Variants in CAST observed in about 807,000 individuals in gnomAD.
CAST encodes MIR583 host.
Under a neutral mutation model 119.6 loss-of-function variants are expected in CAST, and 76 were observed. The ratio of observed to expected loss-of-function variants is 0.64; its 90% confidence interval spans 0.53 to 0.77. The LOEUF (loss-of-function observed/expected upper bound fraction) is 0.77, where lower values mean the gene tolerates loss of function less well. Among genes scored for constraint, CAST ranks in the 30% least tolerant of loss-of-function variants. The pLI, the probability that CAST is intolerant of heterozygous loss-of-function variation, is 0.00. For missense variants in CAST, 953 were observed against 946.5 expected (o/e 1.01, Z -0.09); for synonymous variants, 319 against 331.6 (o/e 0.96, Z 0.41).
the CAST span, among the ~76,000 whole-genome samples, chr5:96,168,745 T>G: frequency 6.6e-6 from 1 of 152,050 alleles, no homozygotes; most frequent in Non-Finnish European, 1.5e-5. Context: ...AGGTGTGGTA[T>G]CCGGAATAAT....
the CAST span, among the ~76,000 whole-genome samples, chr5:96,037,075 T>C: frequency 6.6e-6 from 1 of 151,974 alleles, no homozygotes; most frequent in African/African-American, 2.4e-5. Context: ...TAATCTTATC[T>C]CTTCTGGAGC....
chr5:96,630,373 C>G (rs768319285), intron 1 of CAST, among the ~76,000 whole-genome samples: 101 of 152,256 alleles, frequency 6.6e-4, no homozygotes, highest in Non-Finnish European at 1.2e-3. Context: ...AAAGAGCATT[C>G]GAGGCAGAGA....
chr5:96,154,895 C>T, the CAST span, among the ~76,000 whole-genome samples: 79 of 152,292 alleles, frequency 5.2e-4, no homozygotes, highest in South Asian at 2.1e-3. Flanking sequence ...CAGGTTTCCC[C>T]ACTATGAATG....
At chr5:96,008,535 C>T in the CAST span, among the ~76,000 whole-genome samples, 1 of 152,070 alleles carries the variant, frequency 6.6e-6, no homozygotes, top group Non-Finnish European at 1.5e-5. Context: ...GGAGAAGGCA[C>T]CTTTTCCCTT....
At chr5:96,016,840 T>TTTG in the CAST span, among the ~76,000 whole-genome samples, 8 of 143,570 alleles carry the variant, frequency 5.6e-5, no homozygotes, top group African/African-American at 2.1e-4. Context: ...TTTTTTTTTT[T>TTTG]TTTTTTTTTT....
the CAST span, among the ~76,000 whole-genome samples, chr5:96,097,782 CA>C: frequency 6.6e-6 from 1 of 152,138 alleles, no homozygotes; most frequent in Non-Finnish European, 1.5e-5. Flanking sequence ...AATAGTGTTG[CA>C]ATGAACATAT....
chr5:96,225,051 C>T, the CAST span, among the ~76,000 whole-genome samples: 1 of 152,114 alleles, frequency 6.6e-6, no homozygotes, highest in Non-Finnish European at 1.5e-5. Context: ...ATGTTGATGG[C>T]GTGGAGGTAA....
chr5:96,184,481 A>G, the CAST span, among the ~76,000 whole-genome samples: 2 of 152,118 alleles, frequency 1.3e-5, no homozygotes, highest in East Asian at 1.9e-4. Flanking sequence ...CCCAGCATGC[A>G]TTAGCTGTTC....
At chr5:96,252,931 C>T in the CAST span, among the ~76,000 whole-genome samples, 3 of 152,198 alleles carry the variant, frequency 2.0e-5, no homozygotes, top group South Asian at 2.1e-4. Flanking sequence ...TAATTCCTAT[C>T]ATTTGCCAGC....
chr5:96,174,098 A>G, the CAST span, among the ~76,000 whole-genome samples: 1 of 152,096 alleles, frequency 6.6e-6, no homozygotes, highest in Non-Finnish European at 1.5e-5. Context: ...TTGAACCCAG[A>G]GTTTTCACTT....
chr5:96,217,193 C>T, the CAST span, among the ~76,000 whole-genome samples: 1 of 92,374 alleles, frequency 1.1e-5, no homozygotes, highest in East Asian at 3.4e-4. Flanking sequence ...TATACACCAC[C>T]ATGCTAGCTA....
intron 1 of CAST, among the ~76,000 whole-genome samples, chr5:96,643,258 G>C (rs1747975013): frequency 6.6e-6 from 1 of 152,140 alleles, no homozygotes; most frequent in African/African-American, 2.4e-5. Context: ...TTTGCTATCT[G>C]TTCTTCAAAG....
the CAST span, among the ~76,000 whole-genome samples, chr5:96,231,228 C>G: frequency 5.3e-5 from 8 of 151,950 alleles, no homozygotes; most frequent in African/African-American, 1.7e-4. Flanking sequence ...TAGGAACAAC[C>G]GCAATGTTCA....
chr5:96,179,182 AAC>A, the CAST span, among the ~76,000 whole-genome samples: 1 of 152,170 alleles, frequency 6.6e-6, no homozygotes, highest in Non-Finnish European at 1.5e-5. Flanking sequence ...CACTGTCTAA[AAC>A]ACACATATGA....
At chr5:96,636,629 A>G (rs1747889789) in intron 1 of CAST, among the ~76,000 whole-genome samples, 1 of 152,222 alleles carries the variant, frequency 6.6e-6, no homozygotes, top group Admixed American at 6.5e-5. Flanking sequence ...ATTTGGGAAT[A>G]ATAAAAAGAA....
At chr5:96,752,961 T>TAC (rs112835890) in intron 20 of CAST, among the ~76,000 whole-genome samples, 41,924 of 143,138 alleles carry the variant, frequency 0.29, 5,997 homozygotes, top group Middle Eastern at 0.33. Flanking sequence ...ATGCATTTTA[T>TAC]ACACACACAC....
At chr5:96,397,565 G>T in the CAST span, 2 of 1,155,884 alleles carry the variant, frequency 1.7e-6, no homozygotes, top group Admixed American at 1.8e-5. Flanking sequence ...TGAAAAAGAT[G>T]AGTTCTCCTA....
the CAST span, among the ~76,000 whole-genome samples, chr5:95,993,413 G>A: frequency 1.2e-4 from 18 of 152,210 alleles, no homozygotes; most frequent in South Asian, 3.7e-3. Context: ...GTACTGCAAG[G>A]GACATTTGGC....
intron 1 of CAST, among the ~76,000 whole-genome samples, chr5:96,614,264 T>G (rs1291041500): frequency 6.6e-6 from 1 of 152,210 alleles, no homozygotes. Context: ...GTGTTAGCTG[T>G]TGGCAAATGC....
Sources: gnomAD v4.1 joint callset for allele counts (sites outside exome capture counted in the v4.1 genomes callset) on GRCh38, gnomAD v4.1.1 for gene constraint, MANE v1.5 for transcripts, NCBI Gene and HGNC (gene_info 2026-07-23, HGNC 2026-07-21) for gene names.